UXS1: variants seen among roughly 807,000 people sequenced by gnomAD.
UXS1 encodes the protein UDP-glucuronate decarboxylase 1, also known as UDP-glucuronic acid decarboxylase 1.
In UXS1, 33 loss-of-function variants were observed where a neutral mutation model predicts 62.6. The observed-to-expected ratio is 0.53, with a 90% CI of 0.40 to 0.70. The LOEUF is 0.70. Among genes scored for constraint, UXS1 ranks in the 30% least tolerant of loss-of-function variants. UXS1 has a pLI of 0.00. For synonymous variants in UXS1, 213 were observed against 206.8 expected, an observed-to-expected ratio of 1.03 and a Z score of -0.26; for missense variants, 434 against 556.3, an observed-to-expected ratio of 0.78 and a Z score of 2.21.
At chr2:106,172,290 G>A (rs1215042710) in intron 1 of UXS1, among the ~76,000 whole-genome samples, 1 of 152,134 alleles carries the variant, frequency 6.6e-6, no homozygotes, top group Non-Finnish European at 1.5e-5. Flanking sequence ...ATAAAAGGTG[G>A]AGCAGCCACC....
chr2:106,188,270 A>C (rs1684703541), intron 1 of UXS1, among the ~76,000 whole-genome samples: 4 of 152,144 alleles, frequency 2.6e-5, no homozygotes, highest in Admixed American at 2.6e-4. Context: ...AACAGGCACC[A>C]AAATGCTACT....
At chr2:106,113,705 T>C (rs1300610252) in intron 9 of UXS1, among the ~76,000 whole-genome samples, 1 of 152,234 alleles carries the variant, frequency 6.6e-6, no homozygotes, top group Non-Finnish European at 1.5e-5. Flanking sequence ...AGAACAAACG[T>C]GCACTTTCTG....
At chr2:106,147,595 A>G (rs1195920251) in intron 5 of UXS1, among the ~76,000 whole-genome samples, 5 of 152,192 alleles carry the variant, frequency 3.3e-5, no homozygotes, top group Non-Finnish European at 7.3e-5. Flanking sequence ...AATAAATAAA[A>G]TAAAATACAG....
chr2:106,128,659 A>G (rs1254030446), intron 7 of UXS1, among the ~76,000 whole-genome samples: 2 of 152,156 alleles, frequency 1.3e-5, no homozygotes, highest in Admixed American at 6.5e-5. Context: ...CAGAAGGCAG[A>G]CGGTGGGACT....
At chr2:106,191,949 A>G (rs1359746118) in intron 1 of UXS1, among the ~76,000 whole-genome samples, 1 of 152,178 alleles carries the variant, frequency 6.6e-6, no homozygotes, top group Non-Finnish European at 1.5e-5. Context: ...TGGGTCTCAA[A>G]GTGGTGTCAG....
intron 9 of UXS1, among the ~76,000 whole-genome samples, chr2:106,117,329 T>C (rs1202091166): frequency 2.0e-5 from 3 of 152,222 alleles, no homozygotes; most frequent in Non-Finnish European, 4.4e-5. Context: ...TCCTTAATAT[T>C]AGAAGTGTTT....
intron 9 of UXS1, among the ~76,000 whole-genome samples, chr2:106,117,522 C>T (rs1275715656): frequency 7.0e-6 from 1 of 143,464 alleles, no homozygotes; most frequent in Non-Finnish European, 1.5e-5. Context: ...TATATCAAGC[C>T]ACCGAACACT....
At chr2:106,159,756 C>T (rs1327964023) in intron 4 of UXS1, among the ~76,000 whole-genome samples, 2 of 152,150 alleles carry the variant, frequency 1.3e-5, no homozygotes, top group Non-Finnish European at 1.5e-5. Context: ...CCTTAATGGT[C>T]GCTGAACTGA....
At chr2:106,187,232 G>A (rs774921449) in intron 1 of UXS1, among the ~76,000 whole-genome samples, 3 of 152,120 alleles carry the variant, frequency 2.0e-5, no homozygotes, top group Non-Finnish European at 4.4e-5. Flanking sequence ...TCCAGCTTGT[G>A]CCTCCAACCC....
chr2:106,194,132 G>A lies in UXS1; in HGVS notation c.94+16C>T. 2 of 1,464,840 alleles carry A rather than the reference G, an allele frequency of 1.4e-6. No individual in the cohort carries two copies. Among genetic ancestry groups the A allele is most frequent in the Non-Finnish European group, 1.8e-6 (2 of 1,106,142 alleles). 90.7% of individuals were successfully genotyped at this position (1,464,840 alleles called of 1,614,324 possible). On this transcript the variant is annotated intron_variant, in intron 1 of 14. Transcript: ENST00000283148. ...AATGAATGGGGCTCCCCAGCTGGCA[G>A]CGGGCGCGCACTCACAGGCGACGTA...
At chr2:106,183,684 C>T (rs1244999593) in intron 1 of UXS1, 2 of 152,226 alleles carry the variant, frequency 1.3e-5, no homozygotes, top group African/African-American at 4.8e-5. Flanking sequence ...GGTTACTTTA[C>T]AACACACACC....
intron 1 of UXS1, among the ~76,000 whole-genome samples, chr2:106,175,068 T>G (rs1192891560): frequency 6.6e-6 from 1 of 152,182 alleles, no homozygotes; most frequent in Non-Finnish European, 1.5e-5. Context: ...AAATCCTCAG[T>G]GGGGCAGCGA....
intron 10 of UXS1, among the ~76,000 whole-genome samples, chr2:106,110,621 T>C (rs563534660): frequency 6.6e-5 from 10 of 152,302 alleles, no homozygotes; most frequent in Admixed American, 5.9e-4. Flanking sequence ...CATGAGATGA[T>C]AGTAAGTTTC....
At position 106,096,705 on chromosome 2, in the gene UXS1, T is replaced by TC; in HGVS notation, c.1146+12dup. On this transcript the variant is annotated intron_variant, in intron 14 of 14. Coordinates refer to ENST00000283148, the MANE Select transcript of UXS1 (RefSeq NM_001253875.2). ...CCCCTCCCCACAAGGCAGCATTAAC[T>TC]CCCTGCACTTACCACGGGCTCCCAC... 1.9e-6 allele frequency: 3 copies of TC among 1,552,578 alleles called. No individual in the cohort carries two copies. Among genetic ancestry groups the TC allele is most frequent in the Non-Finnish European group, 2.6e-6 (3 of 1,147,040 alleles).
At chr2:106,118,654 T>C (rs1177872402) in intron 9 of UXS1, among the ~76,000 whole-genome samples, 1 of 152,242 alleles carries the variant, frequency 6.6e-6, no homozygotes, top group East Asian at 1.9e-4. Context: ...TCCAGGGAGC[T>C]TCTCTTTTTC....
intron 9 of UXS1, among the ~76,000 whole-genome samples, chr2:106,113,031 G>C (rs868579533): frequency 1.1e-4 from 16 of 152,196 alleles, no homozygotes; most frequent in African/African-American, 3.6e-4. Context: ...TAGAAAACCA[G>C]CCAAACAGTA....
At chr2:106,118,015 T>C (rs772763591) in intron 9 of UXS1, among the ~76,000 whole-genome samples, 2 of 152,166 alleles carry the variant, frequency 1.3e-5, no homozygotes, top group Non-Finnish European at 2.9e-5. Context: ...TCAGCTGACC[T>C]TCCTGAGGTT....
intron 5 of UXS1, 114 bp downstream of exon 5, chr2:106,157,944 A>G: frequency 1.1e-6 from 1 of 918,508 alleles, no homozygotes; most frequent in Non-Finnish European, 1.7e-6. Context: ...GACATACTAT[A>G]AGCCACTGAA....
chr2:106,122,853 C>G (rs1428011332), intron 9 of UXS1, 117 bp downstream of exon 9: 3 of 1,411,102 alleles, frequency 2.1e-6, no homozygotes, highest in Non-Finnish European at 2.9e-6. Flanking sequence ...ACTGAGCTTC[C>G]CAAACACCTA....
Sources: allele counts gnomAD v4.1 joint callset (sites outside exome capture counted in the v4.1 genomes callset), GRCh38; gene constraint gnomAD v4.1.1; transcripts MANE v1.5; gene names NCBI Gene and HGNC (gene_info 2026-07-23, HGNC 2026-07-21).